The following KIF22 variants were observed in gnomAD, a reference collection of about 807,000 sequenced individuals.
KIF22 encodes kinesin family member 22.
In KIF22, 62 loss-of-function variants were observed where a neutral mutation model predicts 73.0. The observed-to-expected ratio is 0.85, with a 90% confidence interval of 0.69 to 1.05. The LOEUF is 1.05. Ranked by LOEUF, KIF22 falls within the 50% of genes least tolerant of loss-of-function variation. The probability of loss-of-function intolerance (pLI) is 0.00; values close to 1 mark genes in which losing one functional copy is unlikely to be tolerated. For synonymous variants in KIF22, 411 were observed against 340.1 expected (o/e 1.21, Z -2.29); for missense variants, 854 against 870.1 (o/e 0.98, Z 0.23).
intron 8 of KIF22, among the ~76,000 whole-genome samples, chr16:29,800,452 C>T (rs1465176692): frequency 4.0e-5 from 6 of 151,500 alleles, no homozygotes; most frequent in Non-Finnish European, 7.4e-5. Context: ...AGCAAGACTC[C>T]GTCTCAAAGT....
chr16:29,798,199 T>C lies in KIF22; in HGVS notation c.267-175T>C, dbSNP rs760561110. Among the ~76,000 whole-genome samples, 4 of 152,098 alleles carry C rather than the reference T, an allele frequency of 2.6e-5. No homozygotes were observed. The highest frequency in any genetic ancestry group is 4.4e-5 in the Non-Finnish European group (3 of 68,028). On this transcript the variant is annotated intron_variant, in intron 2 of 13. Coordinates refer to ENST00000160827, the MANE Select transcript of KIF22 (RefSeq NM_007317.3). The surrounding 1 kb of genome is among the most constrained non-coding windows in gnomAD (Gnocchi z 4.1). ...AGAGAGATGAGGATGGAGTAGGTGT[T>C]AGGTGGATGCTTTTTAAGGTCTTTG...
chr16:29,802,884 C>T lies in KIF22; in HGVS notation c.1396C>T (p.Arg466Ter), dbSNP rs745681316. 3.1e-6 allele frequency: 5 copies of T among 1,612,298 alleles called. No homozygotes were observed. Among genetic ancestry groups the T allele is most frequent in the Non-Finnish European group, 4.2e-6 (5 of 1,179,336 alleles). Residue 466 changes from arginine to a stop codon, truncating the protein, a stop_gained, in exon 9 of 14, where the codon CGA becomes TGA. Transcript: ENST00000160827. LOFTEE classifies it high-confidence loss of function. ...QGAPLLSTPK[R>*]ERMVLMKTVE... ...GGCCCCTCTGTTGAGTACCCCAAAG[C>T]GAGAGCGGATGGTGCTAATGAAGAC... is the stretch of plus-strand genomic sequence containing the variant.
chr16:29,794,403 A>G (rs1898898014), intron 1 of KIF22, among the ~76,000 whole-genome samples: 1 of 152,210 alleles, frequency 6.6e-6, no homozygotes, highest in South Asian at 2.1e-4. Flanking sequence ...AGGTATTTTT[A>G]TTCCCATTTT....
At position 29,799,148 on chromosome 16, in the gene KIF22, G is replaced by GCGCTC; in HGVS notation, c.725_729dup (p.Ser244AlafsTer31). On this transcript the variant is annotated frameshift_variant, in exon 5 of 14. Transcript: ENST00000160827. LOFTEE classifies it high-confidence loss of function. Reference sequence around the variant, plus strand: ...CTGTAGGAGCCACCCGGCTCAACCAGCGCTCCTCCCGCAGTCATGCTGTGC... The same window carrying GCGCTC: ...CTGTAGGAGCCACCCGGCTCAACCAGCGCTCCGCTCCTCCCGCAGTCATGCTGTGC... 2 of 1,614,070 alleles carry GCGCTC rather than the reference G, an allele frequency of 1.2e-6. No individual in the cohort carries two copies. The highest frequency in any genetic ancestry group is 1.7e-6 in the Non-Finnish European group (2 of 1,180,006).
In KIF22 at chr16:29,796,899, G is replaced by T; in HGVS notation, c.77G>T (p.Gly26Val). 1.9e-6 allele frequency: 3 copies of T among 1,614,080 alleles called. No homozygotes were observed. Among genetic ancestry groups the T allele is most frequent in the Non-Finnish European group, 2.5e-6 (3 of 1,179,984 alleles). The change falls in exon 2 of 14, where the codon GGT becomes GTT. Residue 26 changes from glycine to valine, a missense_variant. Transcript: ENST00000160827. ...AASAAAISGA[G>V]RCRLSKIGAT... ...GTGATCTTCTCTCCTCCAGGAGCTG[G>T]TCGCTGTCGGCTAAGCAAGATTGGA...
At chr16:29,795,773 TAAAAC>T (rs1157763623) in intron 1 of KIF22, among the ~76,000 whole-genome samples, 3 of 152,266 alleles carry the variant, frequency 2.0e-5, no homozygotes, top group Admixed American at 1.3e-4. Flanking sequence ...TTGCCAATTC[TAAAAC>T]AAAACAAAAC....
rs146561986 is a variant in KIF22 at position 29,804,916 on chromosome 16, G to C, written c.1780G>C (p.Asp594His). ...LLAHGRQKIL[D>H]LLNEGSARDL... ...GGCTCATGGGCGCCAAAAAATACTG[G>C]ATCTGCTGAACGAAGGCTCAGCCCG... Residue 594 changes from aspartate (D) to histidine (H), a missense_variant, in exon 12 of 14, where the codon GAT becomes CAT. This residue lies in a region of KIF22 where 423 missense variants were observed against 365.4 expected (regional missense o/e 1.16). Coordinates refer to ENST00000160827, the MANE Select transcript of KIF22 (RefSeq NM_007317.3). 20 of 1,613,910 alleles carry C rather than the reference G, an allele frequency of 1.2e-5. No individual in the cohort carries two copies. Among genetic ancestry groups the C allele is most frequent in the Non-Finnish European group, 1.5e-5 (18 of 1,180,000 alleles).
chr16:29,792,076 G>A (rs1898833522), intron 1 of KIF22, among the ~76,000 whole-genome samples: 1 of 152,190 alleles, frequency 6.6e-6, no homozygotes, highest in Admixed American at 6.5e-5. Context: ...GGGAGTGAAT[G>A]ATACTTGAGA....
chr16:29,791,075 T>C, intron 1 of KIF22: 2 of 1,383,570 alleles, frequency 1.4e-6, no homozygotes, highest in Non-Finnish European at 1.9e-6. Context: ...GGCTCTTGGC[T>C]TGAACCCCGC....
chr16:29,795,652 G>A (rs1408102396), intron 1 of KIF22, among the ~76,000 whole-genome samples: 3 of 152,154 alleles, frequency 2.0e-5, no homozygotes, highest in African/African-American at 7.2e-5. Flanking sequence ...GTAAAATAGA[G>A]TAATACTCTC....
At position 29,805,005 on chromosome 16, in the gene KIF22, GCT is replaced by G; in HGVS notation, c.1871_1872del (p.Leu624ProfsTer?). 1 of 1,604,406 alleles carries G rather than the reference GCT, an allele frequency of 6.2e-7. No homozygotes were observed. The highest frequency in any genetic ancestry group is 2.3e-5 in the East Asian group (1 of 44,328). ...CCCAGCTAATCGTGGGCTGGCGGGAGCTCCACGGCCCCTTCAGCCAGGTAGCA... is the reference window on the plus strand; with the variant it reads ...CCCAGCTAATCGTGGGCTGGCGGGAGCCACGGCCCCTTCAGCCAGGTAGCA... ...KAQLIVGWRE[L>X]HGPFSQVEDL... On this transcript the variant is annotated frameshift_variant, in exon 12 of 14. Coordinates refer to ENST00000160827, the MANE Select transcript of KIF22 (RefSeq NM_007317.3). LOFTEE classifies it high-confidence loss of function.
At chr16:29,804,406 A>T (rs556006280) in intron 11 of KIF22, 637 of 619,474 alleles carry the variant, frequency 1.0e-3, no homozygotes, top group Non-Finnish European at 1.6e-3. Flanking sequence ...ATCGAACACC[A>T]CTAGAACTAC....
chr16:29,805,161 A>C lies in KIF22; in HGVS notation c.1937A>C (p.Glu646Ala). 3 of 1,613,924 alleles carry C rather than the reference A, an allele frequency of 1.9e-6. No individual in the cohort carries two copies. The highest frequency in any genetic ancestry group is 2.5e-6 in the Non-Finnish European group (3 of 1,180,020). ...RVEGITGKQM[E>A]SFLKANILGL... ...GAGGGCATAACGGGGAAACAGATGG[A>C]GTCCTTCCTGAAGGTGAAGTCACGG... is the stretch of plus-strand genomic sequence containing the variant. The change falls in exon 13 of 14, where the codon GAG becomes GCG. Residue 646 changes from glutamate (E) to alanine (A), a missense_variant. Around this residue, in one of 3 missense-constraint regions of KIF22, gnomAD observed 423 missense variants for 365.4 expected, o/e 1.16. Transcript: ENST00000160827.
intron 1 of KIF22, among the ~76,000 whole-genome samples, chr16:29,795,843 A>G (rs1898935860): frequency 6.6e-6 from 1 of 152,168 alleles, no homozygotes. Context: ...ATGAGAGAAG[A>G]ATTGCATGTC....
intron 11 of KIF22, 97 bp from the exon 12 acceptor site, chr16:29,804,717 A>T (rs1302944307): frequency 1.1e-6 from 1 of 935,010 alleles, no homozygotes; most frequent in Non-Finnish European, 1.7e-6. Flanking sequence ...AAGAGGCTGG[A>T]GCGCAGGAGG....
rs753689302 is a variant in KIF22, at chr16:29,798,373, G to T, written c.267-1G>T. 1 of 1,362,372 alleles carries T rather than the reference G, an allele frequency of 7.3e-7. No homozygotes were observed. Among genetic ancestry groups the T allele is most frequent in the Admixed American group, 2.1e-5 (1 of 48,304 alleles). 84.4% of individuals were successfully genotyped at this position (1,362,372 alleles called of 1,614,324 possible). A position where few individuals can be genotyped will look rare whatever the true frequency, so the allele number is the denominator to read the frequency against. ...GCTAATTTCTTTCTTTCTTCCTGCA[G>T]GTTTGATGCCTTCTATGGGGAGAGG... On this transcript the variant is annotated splice_acceptor_variant, in intron 2 of 13. Transcript: ENST00000160827. LOFTEE classifies it high-confidence loss of function. This position sits in a 1 kb window ranked among gnomAD's most constrained non-coding sequence, Gnocchi z 4.1.
rs767933971 is a variant in KIF22 at position 29,802,857 on chromosome 16, G to T, written c.1369G>T (p.Gly457Trp). Reference protein sequence around the residue: ...DRLLASQGSQGAPLLSTPKRE... With the variant: ...DRLLASQGSQWAPLLSTPKRE... Reference sequence around the variant, plus strand: ...TCTGCTTGCCTCCCAGGGGAGCCAGGGGGCCCCTCTGTTGAGTACCCCAAA... The same window carrying T: ...TCTGCTTGCCTCCCAGGGGAGCCAGTGGGCCCCTCTGTTGAGTACCCCAAA... Residue 457 changes from glycine to tryptophan, a missense_variant, in exon 9 of 14, where the codon GGG (glycine) becomes TGG (tryptophan). Transcript: ENST00000160827. 6.2e-7 allele frequency: 1 copy of T among 1,611,440 alleles called. No individual in the cohort carries two copies. Among genetic ancestry groups the T allele is most frequent in the East Asian group, 2.2e-5 (1 of 44,620 alleles).
At position 29,790,795 on chromosome 16, in the gene KIF22, C is replaced by T. The variant is rs568884099; in HGVS notation, c.36C>T (p.Arg12=). Residue 12 remains arginine, a synonymous_variant, in exon 1 of 14, where the codon CGC becomes CGT. Transcript: ENST00000160827. ...GCGGCTCGACGCAGCAGAGGCGACG[C>T]GAGATGGCGGCAGCTTCAGCGGCGG... is the stretch of plus-strand genomic sequence containing the variant. ...AAGGSTQQRR[R]EMAAASAAAI... 3.7e-6 allele frequency: 6 copies of T among 1,604,278 alleles called. No homozygotes were observed. In the East Asian group the frequency reaches 9.0e-5, roughly 24 times the overall value.
At chr16:29,804,186 C>A in intron 11 of KIF22, 121 bp downstream of exon 11, 3 of 776,094 alleles carry the variant, frequency 3.9e-6, no homozygotes, top group Non-Finnish European at 2.3e-6. Flanking sequence ...CAGCTACTAA[C>A]AGACCTCAAC....
Sources: gnomAD v4.1 joint callset for allele counts (sites outside exome capture counted in the v4.1 genomes callset) on GRCh38, gnomAD v4.1.1 for gene constraint, gnomAD v4.1.1 regional missense constraint, Gnocchi (gnomAD v3.1) non-coding constraint, MANE v1.5 for transcripts, NCBI Gene and HGNC (gene_info 2026-07-23, HGNC 2026-07-21) for gene names.